MROH2B: variants seen among roughly 807,000 people sequenced by gnomAD.
The protein encoded by MROH2B is maestro heat like repeat family member 2B.
A neutral mutation model predicts 208.6 loss-of-function variants in MROH2B; 177 were observed. The ratio of observed to expected loss-of-function variants is 0.85; its 90% CI spans 0.75 to 0.96. The LOEUF is 0.96. MROH2B is among the 40% of genes least tolerant of loss of function. The pLI, the probability that MROH2B is intolerant of heterozygous loss-of-function variation, is 0.00. For missense variants in MROH2B, 2,002 were observed against 1,878.7 expected, an observed-to-expected ratio of 1.07 and a Z score of -1.21; for synonymous variants, 728 against 659.0, an observed-to-expected ratio of 1.10 and a Z score of -1.60.
chr5:41,019,136 G>C (rs149031064), intron 24 of MROH2B, 118 bp from the exon 25 acceptor site: 23,847 of 1,251,082 alleles, frequency 0.019, 277 homozygotes, highest in Middle Eastern at 0.033. Context: ...CACATTTTCT[G>C]ACACGTTGGG....
Position 41,061,684 on chromosome 5 carries a change from G to T in MROH2B, c.501C>A (p.Asn167Lys), listed in dbSNP as rs376766065. 2.5e-5 allele frequency: 41 copies of T among 1,613,844 alleles called. No individual in the cohort carries two copies. The highest frequency in any genetic ancestry group is 1.3e-4 in the African/African-American group (10 of 75,044). ...KFSKAIYKYVNHWRDFPYPRL... is the reference protein window; with the variant it reads ...KFSKAIYKYVKHWRDFPYPRL... ...TGGGGTAGGGAAAATCTCTCCAGTGGTTGACATATTTGTAAATGGCTTTGC... is the reference window on the plus strand; with the variant it reads ...TGGGGTAGGGAAAATCTCTCCAGTGTTTGACATATTTGTAAATGGCTTTGC... Residue 167 changes from asparagine to lysine, a missense_variant, in exon 6 of 42, where the codon AAC becomes AAA. Transcript: ENST00000399564.
At chr5:41,017,146 T>C (rs754001272) in intron 28 of MROH2B, among the ~76,000 whole-genome samples, 2 of 152,230 alleles carry the variant, frequency 1.3e-5, no homozygotes, top group Non-Finnish European at 1.5e-5. Flanking sequence ...TGGCTGCGTC[T>C]ACTCTGCAGA....
intron 35 of MROH2B, 106 bp downstream of exon 35, chr5:41,005,425 C>CTTCCT (rs56951795): frequency 0.061 from 13,161 of 216,504 alleles, 1,267 homozygotes; most frequent in Admixed American, 0.14. Context: ...CCCCCCCCCC[C>CTTCCT]TTGAAGTCTC....
chr5:41,019,066 A>C, intron 24 of MROH2B, 48 bp from the exon 25 acceptor site: 1 of 1,606,856 alleles, frequency 6.2e-7, no homozygotes, highest in African/African-American at 1.3e-5. Flanking sequence ...TGACCATCAG[A>C]ACATACCCAG....
At chr5:41,028,662 A>G (rs921078332) in intron 24 of MROH2B, among the ~76,000 whole-genome samples, 4 of 152,184 alleles carry the variant, frequency 2.6e-5, no homozygotes, top group Non-Finnish European at 5.9e-5. Context: ...AGTCTGAATA[A>G]TATTCCATTG....
In MROH2B at chr5:41,017,292, T is replaced by C. The variant is rs559710012; in HGVS notation, c.2884+558A>G. The stretch of plus-strand genomic sequence containing the variant: ...AATATTTTGTGGTATTGACAGTTAT[T>C]CACATGTACTTGGAGAGCAGGAGGA... On this transcript the variant is annotated intron_variant, in intron 28 of 41. Transcript: ENST00000399564. 2.3e-3 allele frequency among the ~76,000 whole-genome samples: 353 copies of C among 152,324 alleles called. 3 individuals carry two copies. Among genetic ancestry groups the C allele is most frequent in the African/African-American group, 8.2e-3 (340 of 41,576 alleles).
intron 7 of MROH2B, 36 bp from the exon 8 acceptor site, chr5:41,057,396 G>A (rs1301256376): frequency 2.7e-6 from 4 of 1,481,030 alleles, no homozygotes; most frequent in Non-Finnish European, 3.7e-6. Context: ...GTTGGAGGCT[G>A]CCAGGGAAGC....
At position 41,055,803 on chromosome 5, in the gene MROH2B, A is replaced by C; in HGVS notation, c.972T>G (p.Ser324Arg). 6.2e-7 allele frequency: 1 copy of C among 1,613,882 alleles called. No homozygotes were observed. The highest frequency in any genetic ancestry group is 1.1e-5 in the South Asian group (1 of 91,076). The change falls in exon 10 of 42, where the codon AGT becomes AGG. Residue 324 changes from serine (S) to arginine (R), a missense_variant. Ser to Arg is a moderately radical substitution (Grantham distance 110). Coordinates refer to ENST00000399564, the MANE Select transcript of MROH2B (RefSeq NM_173489.5). ...TTCCCACTCGAATGGCTTCATTATTACTTCTTACTTGTTCATCAAAAAATT... is the reference window on the plus strand; with the variant it reads ...TTCCCACTCGAATGGCTTCATTATTCCTTCTTACTTGTTCATCAAAAAATT... ...LMEFFDEQVR[S>R]NNEAIRVGIL...
intron 11 of MROH2B, among the ~76,000 whole-genome samples, chr5:41,053,588 T>A (rs1337339342): frequency 6.6e-6 from 1 of 152,126 alleles, no homozygotes; most frequent in East Asian, 1.9e-4. Context: ...GGGAAGCAGT[T>A]ATATGGTGGC....
chr5:41,006,997 A>T (rs11949085), intron 34 of MROH2B, among the ~76,000 whole-genome samples: 34,635 of 147,594 alleles, frequency 0.23, 4,095 homozygotes, highest in South Asian at 0.34. Context: ...AAAAAATAAA[A>T]TTTTTTTTAA....
chr5:41,020,086 C>T (rs1742094177), intron 24 of MROH2B, among the ~76,000 whole-genome samples: 2 of 152,010 alleles, frequency 1.3e-5, no homozygotes, highest in Non-Finnish European at 2.9e-5. Context: ...AGCTCGTGAA[C>T]ATGAGTTGTG....
intron 24 of MROH2B, among the ~76,000 whole-genome samples, chr5:41,024,318 C>G (rs918051552): frequency 2.0e-5 from 3 of 151,274 alleles, no homozygotes; most frequent in Admixed American, 6.6e-5. Context: ...CACATAGGCT[C>G]AAAATAAAGG....
In MROH2B at chr5:41,006,950, T is replaced by C. The variant is rs1026615428; in HGVS notation, c.3749+364A>G. On this transcript the variant is annotated intron_variant, in intron 34 of 41. Coordinates refer to ENST00000399564, the MANE Select transcript of MROH2B (RefSeq NM_173489.5). ...ATCACTAAAGAACTTATTCATGTAA[T>C]CAAACACCACCTGTTCCCCAAAAAC... Among the ~76,000 whole-genome samples, 5 of 152,054 alleles carry C rather than the reference T, an allele frequency of 3.3e-5. No homozygotes were observed. In the South Asian group the frequency reaches 6.2e-4, roughly 19 times the overall value.
rs746951701 is a variant in MROH2B, at chr5:41,004,544, A to G, written c.4012-16T>C. 1.3e-5 allele frequency: 20 copies of G among 1,599,432 alleles called. No individual in the cohort carries two copies. In the South Asian group the frequency reaches 1.7e-4, roughly 14 times the overall value. Reference sequence around the variant, plus strand: ...GTTTCTTCACCTATTTTGAAATAAGACCTCTTAATCTTGAAAATTGTTCTA... The same window carrying G: ...GTTTCTTCACCTATTTTGAAATAAGGCCTCTTAATCTTGAAAATTGTTCTA... On this transcript the variant is annotated splice_polypyrimidine_tract_variant and intron_variant, in intron 36 of 41. Transcript: ENST00000399564.
intron 5 of MROH2B, among the ~76,000 whole-genome samples, chr5:41,063,119 A>G (rs80139794): frequency 0.042 from 6,451 of 152,322 alleles, 154 homozygotes; most frequent in Middle Eastern, 0.068. Flanking sequence ...ATTTTATAAC[A>G]CAGAGAATTC....
chr5:41,049,236 C>G (rs1743211859), intron 14 of MROH2B, 44 bp downstream of exon 14: 5 of 1,610,268 alleles, frequency 3.1e-6, no homozygotes, highest in Non-Finnish European at 4.2e-6. Context: ...GGAAATGGAT[C>G]CCTCATAATA....
intron 6 of MROH2B, among the ~76,000 whole-genome samples, chr5:41,060,378 TA>T (rs1238230490): frequency 1.3e-5 from 2 of 152,162 alleles, no homozygotes; most frequent in Admixed American, 6.5e-5. Context: ...TCTTGTTTAT[TA>T]AAAAAAAGTC....
chr5:41,058,199 A>G lies in MROH2B; in HGVS notation c.620T>C (p.Leu207Ser), dbSNP rs768520057. ...WAPLASPMQT[L>S]SIVKAHGPTV... The stretch of plus-strand genomic sequence containing the variant: ...GGGCCCGTGGGCCTTAACGATGCTC[A>G]AAGTCTGTACAGGCAGCAAACAAAT... Residue 207 changes from leucine to serine, a missense_variant, in exon 7 of 42, where the codon TTG becomes TCG. Coordinates refer to ENST00000399564, the MANE Select transcript of MROH2B (RefSeq NM_173489.5). 6.4e-7 allele frequency: 1 copy of G among 1,570,306 alleles called. No individual in the cohort carries two copies. Among genetic ancestry groups the G allele is most frequent in the Non-Finnish European group, 8.6e-7 (1 of 1,157,314 alleles).
At chr5:41,015,296 T>A (rs1741902363) in intron 29 of MROH2B, 85 bp downstream of exon 29, 6 of 1,200,596 alleles carry the variant, frequency 5.0e-6, no homozygotes, top group Non-Finnish European at 7.1e-6. Flanking sequence ...AATATCTATC[T>A]TCTTTGCAGT....
Sources: allele counts gnomAD v4.1 joint callset (sites outside exome capture counted in the v4.1 genomes callset), GRCh38; gene constraint gnomAD v4.1.1; transcripts MANE v1.5; gene names NCBI Gene and HGNC (gene_info 2026-07-23, HGNC 2026-07-21).